TMC3: variants seen among roughly 807,000 people sequenced by gnomAD.
TMC3 encodes the protein transmembrane channel like 3, also known as transmembrane channel-like protein 3.
Under a neutral mutation model 110.6 loss-of-function variants are expected in TMC3, and 98 were observed. The ratio of observed to expected loss-of-function variants is 0.89; its 90% CI spans 0.75 to 1.05. The LOEUF (loss-of-function observed/expected upper bound fraction) is 1.05. Among genes scored for constraint, TMC3 ranks in the 50% least tolerant of loss-of-function variants. TMC3 has a pLI of 0.00. For synonymous variants in TMC3, 489 were observed against 513.1 expected (o/e 0.95, Z 0.63); for missense variants, 1,319 against 1,373.2 (o/e 0.96, Z 0.62).
In TMC3 at chr15:81,333,266, T is replaced by C; in HGVS notation, c.2460-4A>G. 4 of 1,597,952 alleles carry C rather than the reference T, an allele frequency of 2.5e-6. No individual in the cohort carries two copies. The highest frequency in any genetic ancestry group is 3.4e-6 in the Non-Finnish European group (4 of 1,169,842). Reference sequence around the variant, plus strand: ...TGCACACAGACCGTGCAGATACCTGTAAGACAGGGGCGGTTAAGTAGCTGT... The same window carrying C: ...TGCACACAGACCGTGCAGATACCTGCAAGACAGGGGCGGTTAAGTAGCTGT... On this transcript the variant is annotated splice_region_variant and splice_polypyrimidine_tract_variant and intron_variant, in intron 21 of 21. Transcript: ENST00000359440.
At position 81,343,960 on chromosome 15, in the gene TMC3, C is replaced by A; in HGVS notation, c.1604G>T (p.Arg535Leu). ...LIDFFRGLFV[R>L]YLSDYWCWDL... ...CCAACACCAGTAGTCACTTAAGTAC[C>A]GCACGAAAAGTCCTCGGAAGAAGTC... is the stretch of plus-strand genomic sequence containing the variant. The change falls in exon 14 of 22, where the codon CGG (arginine) becomes CTG (leucine). Residue 535 changes from arginine to leucine, a missense_variant. Transcript: ENST00000359440. 6.2e-7 allele frequency: 1 copy of A among 1,613,108 alleles called. No homozygotes were observed. Among genetic ancestry groups the A allele is most frequent in the Non-Finnish European group, 8.5e-7 (1 of 1,179,376 alleles).
intron 21 of TMC3, among the ~76,000 whole-genome samples, chr15:81,334,018 A>G (rs1893534834): frequency 1.3e-5 from 2 of 151,836 alleles, no homozygotes; most frequent in African/African-American, 4.9e-5. Flanking sequence ...TCTTCCTGAT[A>G]AAGACTTGAA....
chr15:81,372,865 T>TTGTGTGTGTGTG, intron 1 of TMC3, 128 bp from the exon 2 acceptor site: 1 of 579,542 alleles, frequency 1.7e-6, no homozygotes, highest in Non-Finnish European at 2.9e-6. Context: ...GTGTATGTGT[T>TTGTGTGTGTGTG]TGTGCGTGTG....
intron 16 of TMC3, 49 bp downstream of exon 16, chr15:81,341,341 A>G (rs778481656): frequency 7.7e-6 from 12 of 1,553,646 alleles, no homozygotes; most frequent in Non-Finnish European, 8.7e-6. Flanking sequence ...CATGGATTAT[A>G]TATATGTATA....
intron 13 of TMC3, 90 bp from the exon 14 acceptor site, chr15:81,344,135 T>C (rs28605554): frequency 0.082 from 117,779 of 1,438,396 alleles, 9,255 homozygotes; most frequent in African/African-American, 0.41. Flanking sequence ...CTGTTCATTC[T>C]TGTGGGCCCC....
chr15:81,358,591 T>C, intron 5 of TMC3, 91 bp from the exon 6 acceptor site: 1 of 1,018,104 alleles, frequency 9.8e-7, no homozygotes, highest in South Asian at 1.6e-5. Flanking sequence ...CTTGTGAAAA[T>C]GCCACACATA....
At chr15:81,362,469 G>T (rs1894210139) in intron 3 of TMC3, among the ~76,000 whole-genome samples, 168 bp from the exon 4 acceptor site, 1 of 152,026 alleles carries the variant, frequency 6.6e-6, no homozygotes, top group African/African-American at 2.4e-5. Context: ...TAGCTCCCTT[G>T]TCTGTGCTCC....
chr15:81,339,932 G>T (rs886936541), intron 16 of TMC3, among the ~76,000 whole-genome samples: 4 of 152,102 alleles, frequency 2.6e-5, no homozygotes, highest in African/African-American at 9.7e-5. Context: ...GGATGGTTTG[G>T]CTCTTTTGTT....
chr15:81,353,989 T>C (rs1474027035), intron 9 of TMC3, among the ~76,000 whole-genome samples: 1 of 152,216 alleles, frequency 6.6e-6, no homozygotes, highest in African/African-American at 2.4e-5. Context: ...TCTTTCCTAA[T>C]TTGGTCTCAC....
intron 21 of TMC3, 21 bp from the exon 22 acceptor site, chr15:81,333,283 A>G (rs1443843590): frequency 5.1e-6 from 8 of 1,580,376 alleles, no homozygotes; most frequent in East Asian, 4.5e-5. Context: ...GGGGCGGTTA[A>G]GTAGCTGTGG....
intron 6 of TMC3, 24 bp from the exon 7 acceptor site, chr15:81,358,315 A>G: frequency 6.3e-7 from 1 of 1,598,752 alleles, no homozygotes; most frequent in Admixed American, 1.7e-5. Flanking sequence ...ACTCAGTGTC[A>G]TTTCTGCTTC....
rs747727370 is a variant in TMC3, at chr15:81,332,496, G to A, written c.3226C>T (p.Gln1076Ter). ...SQGRFPRSVGQPSRRKAKSGQ... is the reference protein window; with the variant it reads ...SQGRFPRSVG ...GACTTGGCCTTCCTCCTGCTGGGCT[G>A]GCCCACGGACCTCGGGAACCTGCCC... Residue 1076 changes from glutamine to a stop codon, truncating the protein, a stop_gained, in exon 22 of 22, where the codon CAG becomes TAG. Transcript: ENST00000359440. LOFTEE classifies it low-confidence loss of function (END_TRUNC). 1 of 1,613,372 alleles carries A rather than the reference G, an allele frequency of 6.2e-7. No individual in the cohort carries two copies. The highest frequency in any genetic ancestry group is 1.7e-5 in the Admixed American group (1 of 59,944).
At chr15:81,347,388 G>A (rs1329003377) in intron 11 of TMC3, among the ~76,000 whole-genome samples, 1 of 152,208 alleles carries the variant, frequency 6.6e-6, no homozygotes, top group African/African-American at 2.4e-5. Flanking sequence ...CCGTGTGCAG[G>A]CAGTGGGCAG....
At position 81,356,480 on chromosome 15, in the gene TMC3, C is replaced by T. The variant is rs570963801; in HGVS notation, c.858G>A (p.Glu286=). Residue 286 remains glutamate, a synonymous_variant, in exon 8 of 22, where the codon GAG becomes GAA. Transcript: ENST00000359440. ...TGTTCACTATGGCAGCTGTTTTGCTCTCTGCAGCCTCTGGGTTTCCAATGA... is the reference window on the plus strand; with the variant it reads ...TGTTCACTATGGCAGCTGTTTTGCTTTCTGCAGCCTCTGGGTTTCCAATGA... ...DYLIGNPEAA[E]SKTAAIVNSI... is the part of the protein sequence containing the mutation. The T allele has an allele frequency of 1.3e-6, 2 of 1,567,498 alleles. No homozygotes were observed. The highest frequency in any genetic ancestry group is 2.4e-5 in the East Asian group (1 of 42,322).
At position 81,335,122 on chromosome 15, in the gene TMC3, CAACA is replaced by C. The variant is rs906927706; in HGVS notation, c.2204-151_2204-148del. On this transcript the variant is annotated intron_variant, in intron 20 of 21. Coordinates refer to ENST00000359440, the MANE Select transcript of TMC3 (RefSeq NM_001080532.3). ...CTTACAAATGCACCTAACCAGTGGGCAACAAACATTCTGTAATTCAAATGATTTC... is the reference window on the plus strand; with the variant it reads ...CTTACAAATGCACCTAACCAGTGGGCAACATTCTGTAATTCAAATGATTTC... The C allele has an allele frequency of 4.8e-6, 4 of 830,082 alleles. No homozygotes were observed. In the African/African-American group the frequency reaches 5.2e-5, roughly 11 times the overall value. 51.4% of individuals were successfully genotyped at this position (830,082 alleles called of 1,614,324 possible). A position where few individuals can be genotyped will look rare whatever the true frequency, so the allele number is the denominator to read the frequency against.
intron 12 of TMC3, among the ~76,000 whole-genome samples, chr15:81,346,159 A>C (rs1410337578): frequency 6.6e-6 from 1 of 152,214 alleles, no homozygotes; most frequent in African/African-American, 2.4e-5. Flanking sequence ...CTAGTCATGC[A>C]CTGTGGCCTG....
chr15:81,368,464 G>A, intron 2 of TMC3, 136 bp from the exon 3 acceptor site: 1 of 604,552 alleles, frequency 1.7e-6, no homozygotes, highest in East Asian at 3.0e-5. Context: ...ATGAGAGAAT[G>A]GAGTTACACA....
chr15:81,351,375 CAG>C (rs1449922703), intron 10 of TMC3, among the ~76,000 whole-genome samples: 1 of 122,794 alleles, frequency 8.1e-6, no homozygotes, highest in East Asian at 2.4e-4. Context: ...TTTTTTGAGA[CAG>C]AGTCTCGCGC....
chr15:81,367,256 T>C (rs1894335446), intron 3 of TMC3, among the ~76,000 whole-genome samples: 1 of 152,100 alleles, frequency 6.6e-6, no homozygotes, highest in African/African-American at 2.4e-5. Context: ...CACACAGTCA[T>C]TGAAAACCAT....
Sources: allele counts gnomAD v4.1 joint callset (sites outside exome capture counted in the v4.1 genomes callset), GRCh38; gene constraint gnomAD v4.1.1; transcripts MANE v1.5; gene names NCBI Gene and HGNC (gene_info 2026-07-23, HGNC 2026-07-21).